Variants in HMGB3 observed in about 807,000 individuals in gnomAD.
HMGB3 encodes the protein high mobility group protein B3.
Under a neutral mutation model 12.9 loss-of-function variants are expected in HMGB3, and 1 was observed. The ratio of observed to expected loss-of-function variants is 0.08; its 90% CI spans 0.03 to 0.37. The LOEUF is 0.37. Ranked by LOEUF, HMGB3 falls within the 10% of genes least tolerant of loss-of-function variation. The probability of loss-of-function intolerance (pLI) is 0.99; values close to 1 mark genes in which losing one functional copy is unlikely to be tolerated. For synonymous variants in HMGB3, 61 were observed against 53.9 expected (o/e 1.13, Z -0.57); for missense variants, 74 against 153.3 (o/e 0.48, Z 2.73).
rs1399003680 is a variant in HMGB3 at position 150,983,348 on chromosome X, T to C, written c.-34T>C. The C allele has an allele frequency of 9.3e-6, 7 of 753,055 alleles. No homozygotes were observed. Among genetic ancestry groups the C allele is most frequent in the Non-Finnish European group, 9.4e-6 (6 of 639,365 alleles). 62.1% of individuals were successfully genotyped at this position (753,055 alleles called of 1,213,427 possible). On this transcript the variant is annotated 5_prime_UTR_variant, in exon 1 of 5. Coordinates refer to ENST00000325307, the MANE Select transcript of HMGB3 (RefSeq NM_005342.4). ...GAGCGCTGAGCCGCGCGTCGTGCCC[T>C]GCGCTGCCCAGACTAGCGAACAATA...
upstream of HMGB3, chrX:150,983,334 C>A: frequency 6.6e-6 from 5 of 755,293 alleles, no homozygotes; most frequent in Non-Finnish European, 7.8e-6. Context: ...AGCGCTGAGC[C>A]GCGCGTCGTG....
At chrX:150,982,603 T>G (rs183962905), upstream of HMGB3, among the ~76,000 whole-genome samples, 425 of 113,026 alleles carry the variant, frequency 3.8e-3, 4 homozygotes, top group African/African-American at 0.013. Context: ...AATTCTCTGC[T>G]CTTGCCAAAT....
chrX:150,983,886 G>A (rs2048017460), intron 1 of HMGB3, among the ~76,000 whole-genome samples: 1 of 106,344 alleles, frequency 9.4e-6, no homozygotes, highest in Non-Finnish European at 2.0e-5. Context: ...GGTGCCCGCC[G>A]GGGGCCGCCG....
At chrX:150,984,089 C>T (rs1400607465) in intron 1 of HMGB3, among the ~76,000 whole-genome samples, 1 of 100,394 alleles carries the variant, frequency 1.0e-5, no homozygotes, top group African/African-American at 3.5e-5. Context: ...GCGCTGGCCT[C>T]CGGCGAGGGC....
chrX:150,980,543 C>T, upstream of HMGB3: 1 of 603,490 alleles, frequency 1.7e-6, no homozygotes, highest in Non-Finnish European at 2.0e-6. Context: ...TGCTTCAGCT[C>T]CATATAAGAG....
At chrX:150,987,457 C>CT (rs1185511838) in intron 4 of HMGB3, among the ~76,000 whole-genome samples, 155 bp downstream of exon 4, 5 of 110,593 alleles carry the variant, frequency 4.5e-5, no homozygotes, top group Admixed American at 9.6e-5. Flanking sequence ...GGTGTTCATG[C>CT]TTTTTTTTGA....
Position 150,988,555 on chromosome X carries a change from ATTTTTT to A in HMGB3, c.*648_*653del, listed in dbSNP as rs35267539. On this transcript the variant is annotated 3_prime_UTR_variant, in exon 5 of 5. Transcript: ENST00000325307. ...AAGGGGGGTCAGCTGGCATGAGAAT[ATTTTTT>A]TTTTTTAAGTGCGGTAGTTTTTAAA... The A allele has an allele frequency of 9.6e-6, 1 of 103,930 alleles. No individual in the cohort carries two copies. Among genetic ancestry groups the A allele is most frequent in the African/African-American group, 3.5e-5 (1 of 28,940 alleles). 8.6% of individuals were successfully genotyped at this position (103,930 alleles called of 1,213,427 possible). A position where few individuals can be genotyped will look rare whatever the true frequency, so the allele number is the denominator to read the frequency against.
At position 150,988,833 on chromosome X, in the gene HMGB3, A is replaced by G. The variant is rs1557425330; in HGVS notation, c.*919A>G. On this transcript the variant is annotated 3_prime_UTR_variant, in exon 5 of 5. Coordinates refer to ENST00000325307, the MANE Select transcript of HMGB3 (RefSeq NM_005342.4). ...AGTGAACAAACCCCCACTCCATTGTATTTGGAGACTGGCCTCCCTATAAAT... is the reference window on the plus strand; with the variant it reads ...AGTGAACAAACCCCCACTCCATTGTGTTTGGAGACTGGCCTCCCTATAAAT... 1 of 112,286 alleles carries G rather than the reference A, an allele frequency of 8.9e-6. No individual in the cohort carries two copies. Among genetic ancestry groups the G allele is most frequent in the Non-Finnish European group, 1.9e-5 (1 of 53,259 alleles). The allele number at this position is 112,286 out of a possible 1,213,427, so 9.3% of individuals were successfully genotyped here.
chrX:150,987,344 G>A, intron 4 of HMGB3, 42 bp downstream of exon 4: 1 of 1,112,569 alleles, frequency 9.0e-7, no homozygotes, highest in Non-Finnish European at 1.2e-6. Flanking sequence ...ACAGGCAGTG[G>A]TTCTGCTATC....
chrX:150,983,360 A>G lies in HMGB3; in HGVS notation c.-22A>G. 1.3e-6 allele frequency: 1 copy of G among 756,043 alleles called. No individual in the cohort carries two copies. Among genetic ancestry groups the G allele is most frequent in the Non-Finnish European group, 1.6e-6 (1 of 641,124 alleles). The allele number at this position is 756,043 out of a possible 1,213,427, so 62.3% of individuals were successfully genotyped here. On this transcript the variant is annotated 5_prime_UTR_variant, in exon 1 of 5. Transcript: ENST00000325307. The stretch of plus-strand genomic sequence containing the variant: ...GCGCGTCGTGCCCTGCGCTGCCCAG[A>G]CTAGCGAACAATACAGGTACGTCTC...
intron 1 of HMGB3, chrX:150,983,657 C>T: frequency 1.4e-6 from 1 of 712,669 alleles, no homozygotes; most frequent in Non-Finnish European, 1.7e-6. Context: ...CCTCGGCGGA[C>T]GCCCGCCCGT....
chrX:150,990,073 A>G lies in HMGB3; in HGVS notation c.*2159A>G, dbSNP rs1402869214. On this transcript the variant is annotated 3_prime_UTR_variant, in exon 5 of 5. Coordinates refer to ENST00000325307, the MANE Select transcript of HMGB3 (RefSeq NM_005342.4). ...CCATGTCCTTGTCACTTGGCATTCT[A>G]AGCTAAAGCTTTAGCTTCCCAATTC... 2 of 112,241 alleles carry G rather than the reference A, an allele frequency of 1.8e-5. No homozygotes were observed. Among genetic ancestry groups the G allele is most frequent in the African/African-American group, 3.2e-5 (1 of 30,919 alleles). 9.2% of individuals were successfully genotyped at this position (112,241 alleles called of 1,213,427 possible). A position where few individuals can be genotyped will look rare whatever the true frequency, so the allele number is the denominator to read the frequency against.
chrX:150,983,541 C>T (rs1359443172), intron 1 of HMGB3, 165 bp downstream of exon 1: 3 of 741,690 alleles, frequency 4.0e-6, no homozygotes, highest in African/African-American at 2.3e-5. Context: ...CCCTTCCCGC[C>T]CCCTCCGCCT....
upstream of HMGB3, among the ~76,000 whole-genome samples, chrX:150,982,955 G>A (rs1486232488): frequency 1.8e-5 from 2 of 113,248 alleles, no homozygotes; most frequent in Non-Finnish European, 3.7e-5. Flanking sequence ...CCGCGGTGCG[G>A]TGGGAGCAGA....
chrX:150,981,159 G>C (rs2047990389), upstream of HMGB3, among the ~76,000 whole-genome samples: 1 of 110,187 alleles, frequency 9.1e-6, no homozygotes, highest in Non-Finnish European at 1.9e-5. Flanking sequence ...AAGGAGCAGG[G>C]AGGGGCTGTC....
In HMGB3 at chrX:150,986,179, C is replaced by T; in HGVS notation, c.279C>T (p.Pro93=). ...GGKKKKDPNA[P]KRPPSGFFLF... Reference sequence around the variant, plus strand: ...AGAAGAAGAAGGATCCTAATGCTCCCAAAAGGCCACCGTAAGTGACTATAG... The same window carrying T: ...AGAAGAAGAAGGATCCTAATGCTCCTAAAAGGCCACCGTAAGTGACTATAG... The change falls in exon 3 of 5, where the codon CCC becomes CCT. Residue 93 remains proline, a synonymous_variant. Coordinates refer to ENST00000325307, the MANE Select transcript of HMGB3 (RefSeq NM_005342.4). 8.4e-7 allele frequency: 1 copy of T among 1,185,115 alleles called. No individual in the cohort carries two copies. Among genetic ancestry groups the T allele is most frequent in the Non-Finnish European group, 1.1e-6 (1 of 881,949 alleles).
At chrX:150,980,993 T>C (rs375126969), upstream of HMGB3, among the ~76,000 whole-genome samples, 1 of 111,861 alleles carries the variant, frequency 8.9e-6, no homozygotes, top group South Asian at 3.7e-4. Flanking sequence ...ATCTCTGGTC[T>C]AGAAAGGCCT....
chrX:150,985,924 C>A, intron 2 of HMGB3, 127 bp from the exon 3 acceptor site: 1 of 833,637 alleles, frequency 1.2e-6, no homozygotes, highest in Non-Finnish European at 1.7e-6. Context: ...TAAGGCCCTG[C>A]ACAGGTTTCA....
At chrX:150,985,312 G>A (rs2048041216) in intron 1 of HMGB3, among the ~76,000 whole-genome samples, 1 of 111,989 alleles carries the variant, frequency 8.9e-6, no homozygotes, top group South Asian at 3.7e-4. Flanking sequence ...GTAACACTGA[G>A]TACCCTACTT....
Sources: allele counts gnomAD v4.1 joint callset (sites outside exome capture counted in the v4.1 genomes callset), GRCh38; gene constraint gnomAD v4.1.1; transcripts MANE v1.5; gene names NCBI Gene and HGNC (gene_info 2026-07-23, HGNC 2026-07-21).